The following UNC80 variants were observed in gnomAD, a reference collection of about 807,000 sequenced individuals.
The protein encoded by UNC80 is unc-80 subunit of NALCN channel complex, also known as protein unc-80 homolog.
A neutral mutation model predicts 384.6 loss-of-function variants in UNC80; 164 were observed. That is an observed-to-expected ratio of 0.43 (90% CI 0.38 to 0.49). The LOEUF (loss-of-function observed/expected upper bound fraction) is 0.49. Among genes scored for constraint, UNC80 ranks in the 20% least tolerant of loss-of-function variants. The pLI, the probability that UNC80 is intolerant of heterozygous loss-of-function variation, is 0.00. For synonymous variants in UNC80, 1,486 were observed against 1,527.8 expected (o/e 0.97, Z 0.64); for missense variants, 3,330 against 4,143.0 (o/e 0.80, Z 5.39).
At chr2:209,812,277 G>C (rs1206310787) in intron 7 of UNC80, among the ~76,000 whole-genome samples, 1 of 151,064 alleles carries the variant, frequency 6.6e-6, no homozygotes, top group Non-Finnish European at 1.5e-5. Context: ...AGCCAGGATG[G>C]TGTCGACCTC....
chr2:209,803,126 C>T (rs1337659866), intron 7 of UNC80, among the ~76,000 whole-genome samples: 1 of 152,148 alleles, frequency 6.6e-6, no homozygotes, highest in African/African-American at 2.4e-5. Context: ...TATAAGGTAA[C>T]CTAATTATGG....
intron 14 of UNC80, among the ~76,000 whole-genome samples, chr2:209,826,623 G>C (rs535151456): frequency 1.3e-5 from 2 of 152,262 alleles, no homozygotes; most frequent in Admixed American, 1.3e-4. Flanking sequence ...TGTGAAACTT[G>C]AAACTCTGCA....
chr2:209,880,271 C>T (rs1159119131), intron 24 of UNC80, among the ~76,000 whole-genome samples: 1 of 152,152 alleles, frequency 6.6e-6, no homozygotes, highest in Admixed American at 6.5e-5. Context: ...CTAGTGGATA[C>T]AATGCTTTAT....
chr2:209,852,732 G>T (rs2082619759), intron 22 of UNC80, among the ~76,000 whole-genome samples: 1 of 152,090 alleles, frequency 6.6e-6, no homozygotes, highest in South Asian at 2.1e-4. Flanking sequence ...ATCTGGGTTA[G>T]GGGTTCCTCA....
rs2093514082 is a variant in UNC80 at position 209,998,453 on chromosome 2, G to C, written c.*2858G>C. The C allele has an allele frequency of 2.0e-5, 3 of 152,428 alleles. No homozygotes were observed. In the South Asian group the frequency reaches 6.2e-4, roughly 32 times the overall value. 9.4% of individuals were successfully genotyped at this position (152,428 alleles called of 1,614,324 possible). A position where few individuals can be genotyped will look rare whatever the true frequency, so the allele number is the denominator to read the frequency against. Reference sequence around the variant, plus strand: ...GGGCATAAATGGGCATGGCAGTGCTGGTGGAAAAATCTGTGGTACTGGTGA... The same window carrying C: ...GGGCATAAATGGGCATGGCAGTGCTCGTGGAAAAATCTGTGGTACTGGTGA... On this transcript the variant is annotated 3_prime_UTR_variant, in exon 65 of 65. Transcript: ENST00000673920.
Position 209,954,988 on chromosome 2 carries a change from A to G in UNC80, c.7457+718A>G, listed in dbSNP as rs550032983. On this transcript the variant is annotated intron_variant, in intron 48 of 64. Transcript: ENST00000673920. Reference sequence around the variant, plus strand: ...GGGCAGGCAGGGAGCCCTGGATGAGACAAAAAAATAAAATGCAAGTGGGGA... The same window carrying G: ...GGGCAGGCAGGGAGCCCTGGATGAGGCAAAAAAATAAAATGCAAGTGGGGA... Among the ~76,000 whole-genome samples, 15 of 152,280 alleles carry G rather than the reference A, an allele frequency of 9.9e-5. No individual in the cohort carries two copies. The East Asian group carries it at 2.5e-3, about 25-fold the overall frequency.
At chr2:209,796,303 C>T (rs1350788508) in intron 7 of UNC80, 2 of 152,254 alleles carry the variant, frequency 1.3e-5, no homozygotes, top group Non-Finnish European at 1.5e-5. Context: ...CCTGTACCCC[C>T]ATTGTATCTA....
At position 209,994,265 on chromosome 2, in the gene UNC80, G is replaced by A. The variant is rs2093445172; in HGVS notation, c.9708+1G>A. The A allele has an allele frequency of 1.9e-6, 3 of 1,547,772 alleles. No individual in the cohort carries two copies. The highest frequency in any genetic ancestry group is 2.7e-5 in the African/African-American group (2 of 72,860). On this transcript the variant is annotated splice_donor_variant, in intron 64 of 64. Transcript: ENST00000673920. LOFTEE classifies it high-confidence loss of function. Reference sequence around the variant, plus strand: ...TCTCCACAGCGTGTCTCCCAAGCAGGTGAGGGCACTAGAGAAACAGGCAAG... The same window carrying A: ...TCTCCACAGCGTGTCTCCCAAGCAGATGAGGGCACTAGAGAAACAGGCAAG...
intron 11 of UNC80, among the ~76,000 whole-genome samples, chr2:209,818,627 T>G (rs2079915168): frequency 6.6e-6 from 1 of 152,202 alleles, no homozygotes; most frequent in Non-Finnish European, 1.5e-5. Flanking sequence ...CTTAATATAC[T>G]GGATAAAAAT....
At chr2:209,937,127 A>G (rs1331016307) in intron 41 of UNC80, among the ~76,000 whole-genome samples, 194 bp downstream of exon 41, 3 of 152,228 alleles carry the variant, frequency 2.0e-5, no homozygotes, top group African/African-American at 7.2e-5. Context: ...TCTTGTGTGT[A>G]AAATGAAGGT....
chr2:209,778,413 A>T (rs1292757186), intron 4 of UNC80, among the ~76,000 whole-genome samples: 1 of 152,244 alleles, frequency 6.6e-6, no homozygotes, highest in Non-Finnish European at 1.5e-5. Flanking sequence ...ATGAAAAAAA[A>T]ATAAGTTTTA....
intron 28 of UNC80, among the ~76,000 whole-genome samples, chr2:209,898,300 A>G (rs962940330): frequency 6.6e-6 from 1 of 151,898 alleles, no homozygotes; most frequent in South Asian, 2.1e-4. Flanking sequence ...CTTGACACGG[A>G]TACTCAGATG....
intron 56 of UNC80, among the ~76,000 whole-genome samples, chr2:209,973,799 A>G (rs1439448815): frequency 6.6e-6 from 1 of 152,196 alleles, no homozygotes; most frequent in African/African-American, 2.4e-5. Context: ...ATGCTGCAAG[A>G]TTTGGTGACC....
Position 209,969,850 on chromosome 2 carries a change from C to A in UNC80, c.8089C>A (p.Leu2697Met). The A allele has an allele frequency of 6.4e-6, 10 of 1,551,750 alleles. No individual in the cohort carries two copies. The highest frequency in any genetic ancestry group is 7.0e-6 in the Non-Finnish European group (8 of 1,146,994). ...TLQRQPIISF[L>M]PHLRSLINVC... is the part of the protein sequence containing the mutation. ...TCAGAGGCAGCCAATCATATCCTTC[C>A]TGCCTCACCTTAGGTCACTGATCAA... The change falls in exon 53 of 65, where the codon CTG becomes ATG. Residue 2697 changes from leucine (L) to methionine (M), a missense_variant. Leu to Met is a conservative substitution (Grantham distance 15, BLOSUM62 2). Transcript: ENST00000673920.
At chr2:209,787,637 C>G (rs974134201) in intron 5 of UNC80, among the ~76,000 whole-genome samples, 1 of 152,118 alleles carries the variant, frequency 6.6e-6, no homozygotes, top group Non-Finnish European at 1.5e-5. Context: ...TAACATAGTG[C>G]AAGGCATTAC....
intron 47 of UNC80, among the ~76,000 whole-genome samples, chr2:209,952,614 A>G (rs2092236215): frequency 1.3e-5 from 2 of 152,012 alleles, no homozygotes; most frequent in Non-Finnish European, 2.9e-5. Context: ...AGATGCCTGG[A>G]AAAAAAAGAG....
intron 61 of UNC80, among the ~76,000 whole-genome samples, chr2:209,986,201 G>A (rs2093284227): frequency 6.6e-6 from 1 of 152,158 alleles, no homozygotes; most frequent in African/African-American, 2.4e-5. Context: ...AAAGAAAGCA[G>A]GTATTTAATG....
intron 22 of UNC80, among the ~76,000 whole-genome samples, chr2:209,859,943 G>A (rs2083229415): frequency 1.3e-5 from 2 of 152,168 alleles, no homozygotes; most frequent in South Asian, 4.1e-4. Flanking sequence ...CAAATGGGTA[G>A]ATTGCAAAAA....
intron 37 of UNC80, 131 bp downstream of exon 37, chr2:209,930,102 T>A (rs1282016013): frequency 4.5e-6 from 2 of 447,752 alleles, no homozygotes. Flanking sequence ...AAGTACTTTT[T>A]AAATAATGAT....
Sources: gnomAD v4.1 joint callset for allele counts (sites outside exome capture counted in the v4.1 genomes callset) on GRCh38, gnomAD v4.1.1 for gene constraint, MANE v1.5 for transcripts, NCBI Gene and HGNC (gene_info 2026-07-23, HGNC 2026-07-21) for gene names.